The following C7orf57 variants were observed in gnomAD, a reference collection of about 807,000 sequenced individuals.
C7orf57 encodes the protein uncharacterized protein C7orf57.
In C7orf57, 33 loss-of-function variants were observed where a neutral mutation model predicts 39.0. The observed-to-expected ratio is 0.85, with a 90% CI of 0.64 to 1.13. C7orf57 has a LOEUF of 1.13. Ranked by LOEUF, C7orf57 falls within the 50% of genes most tolerant of loss-of-function variation. C7orf57 has a pLI of 0.00. For synonymous variants in C7orf57, 124 were observed against 137.1 expected (o/e 0.90, Z 0.67); for missense variants, 346 against 362.3 (o/e 0.95, Z 0.37).
chr7:48,043,928 A>G (rs1790632432), intron 4 of C7orf57, among the ~76,000 whole-genome samples: 1 of 151,922 alleles, frequency 6.6e-6, no homozygotes, highest in Non-Finnish European at 1.5e-5. Flanking sequence ...TGCTCTCAAG[A>G]TGGTGGCAAG....
chr7:48,060,618 G>A lies in C7orf57; in HGVS notation c.*346G>A, dbSNP rs576478731. ...GGCATTGCTACTGGATTCTTAACTA[G>A]AGAAAACTTACAGAACAGGTGTTAA... is the stretch of plus-strand genomic sequence containing the variant. On this transcript the variant is annotated 3_prime_UTR_variant, in exon 9 of 9. Transcript: ENST00000348904. 1 of 173,952 alleles carries A rather than the reference G, an allele frequency of 5.7e-6. No individual in the cohort carries two copies. Among genetic ancestry groups the A allele is most frequent in the South Asian group, 1.9e-4 (1 of 5,174 alleles). 10.8% of individuals were successfully genotyped at this position (173,952 alleles called of 1,614,324 possible).
intron 8 of C7orf57, among the ~76,000 whole-genome samples, chr7:48,057,528 T>C (rs772961950): frequency 1.3e-5 from 2 of 152,164 alleles, no homozygotes; most frequent in Non-Finnish European, 2.9e-5. Flanking sequence ...GTGGAGTCTT[T>C]AGGGCTTTCT....
At chr7:48,060,159 A>T in intron 8 of C7orf57, 67 bp from the exon 9 acceptor site, 1 of 1,057,518 alleles carries the variant, frequency 9.5e-7, no homozygotes, top group Non-Finnish European at 1.4e-6. Flanking sequence ...TTATATTTAA[A>T]ATTAATGTTT....
intron 6 of C7orf57, among the ~76,000 whole-genome samples, chr7:48,052,155 G>A (rs1407926761): frequency 2.0e-5 from 3 of 151,696 alleles, no homozygotes; most frequent in Non-Finnish European, 4.4e-5. Context: ...TGTATTTTTC[G>A]TGGAGACGGG....
Position 48,037,274 on chromosome 7 carries a change from C to G in C7orf57, c.55+911C>G, listed in dbSNP as rs1017853178. ...CTTCTAGTGACCTTGTCTGTATGAA[C>G]AGCAGTAAGGAACACTAACAACTGC... On this transcript the variant is annotated intron_variant, in intron 2 of 8. Coordinates refer to ENST00000348904, the MANE Select transcript of C7orf57 (RefSeq NM_001100159.3). 4.6e-5 allele frequency among the ~76,000 whole-genome samples: 7 copies of G among 152,288 alleles called. No individual in the cohort carries two copies. The East Asian group carries it at 5.8e-4, about 13-fold the overall frequency.
At chr7:48,051,575 T>A (rs1005790186) in intron 6 of C7orf57, among the ~76,000 whole-genome samples, 3 of 151,080 alleles carry the variant, frequency 2.0e-5, no homozygotes, top group Non-Finnish European at 4.4e-5. Flanking sequence ...TGACCTCAAG[T>A]GATCTGCCCG....
chr7:48,060,379 T>C lies in C7orf57; in HGVS notation c.*107T>C, dbSNP rs571185105. ...TTTTTTGTATTTTATTAATATAGAC[T>C]CTCATTGAATAATTTACCTTGCAGC... On this transcript the variant is annotated 3_prime_UTR_variant, in exon 9 of 9. Transcript: ENST00000348904. 2.1e-5 allele frequency: 13 copies of C among 630,294 alleles called. No homozygotes were observed. The highest frequency in any genetic ancestry group is 3.4e-5 in the Non-Finnish European group (13 of 380,264). 39.0% of individuals were successfully genotyped at this position (630,294 alleles called of 1,614,324 possible).
At position 48,044,454 on chromosome 7, in the gene C7orf57, T is replaced by A. The variant is rs764581387; in HGVS notation, c.350+865T>A. On this transcript the variant is annotated intron_variant, in intron 4 of 8. Transcript: ENST00000348904. ...TCTCAGGCAATAGATGATTGACTAT[T>A]TCTTTACCTCCCGCTTTTAGCCTAA... 3.4e-4 allele frequency among the ~76,000 whole-genome samples: 52 copies of A among 152,228 alleles called. 1 individual carries two copies. The highest frequency in any genetic ancestry group is 3.3e-4 in the Admixed American group (5 of 15,288).
At chr7:48,042,488 G>T (rs748222338) in intron 3 of C7orf57, among the ~76,000 whole-genome samples, 2 of 152,052 alleles carry the variant, frequency 1.3e-5, no homozygotes, top group Admixed American at 1.3e-4. Context: ...TCTGCAACGC[G>T]CTGCCCAGTG....
Position 48,052,888 on chromosome 7 carries a change from ATGC to A in C7orf57, c.795_797del (p.Asp265_Ala266delinsGlu), listed in dbSNP as rs764211782. ...CCCCAGGATGCAGCCAGGCTCCAGG[ATGC>A]AGAGGCTTCTGAAGGTCCTGAGGAC... is the stretch of plus-strand genomic sequence containing the variant. On this transcript the variant is annotated inframe_deletion, in exon 7 of 9. Transcript: ENST00000348904. 4.3e-6 allele frequency: 7 copies of A among 1,613,846 alleles called. No homozygotes were observed. The highest frequency in any genetic ancestry group is 1.6e-4 in the Middle Eastern group (1 of 6,084).
intron 6 of C7orf57, 65 bp downstream of exon 6, chr7:48,050,042 C>A: frequency 1.9e-6 from 2 of 1,049,530 alleles, no homozygotes; most frequent in East Asian, 2.4e-5. Context: ...CGTCTTTCAT[C>A]CGGTGATGAC....
At chr7:48,048,448 A>G (rs766481269) in intron 5 of C7orf57, among the ~76,000 whole-genome samples, 2 of 152,150 alleles carry the variant, frequency 1.3e-5, no homozygotes, top group Non-Finnish European at 2.9e-5. Context: ...TTGCTCACCT[A>G]CAGGGTGATC....
At chr7:48,044,763 G>C (rs928041150) in intron 4 of C7orf57, among the ~76,000 whole-genome samples, 1 of 152,126 alleles carries the variant, frequency 6.6e-6, no homozygotes, top group African/African-American at 2.4e-5. Flanking sequence ...TTGAGATATG[G>C]GGAGCCATCG....
Position 48,054,755 on chromosome 7 carries a change from T to G in C7orf57, c.841+149T>G. ...GCATGCATTCTGACTACAAAGCTTG[T>G]GCCATGTATGCTTTAAAAAAATCAG... is the stretch of plus-strand genomic sequence containing the variant. On this transcript the variant is annotated intron_variant, in intron 8 of 8. Transcript: ENST00000348904. 9.9e-6 allele frequency: 6 copies of G among 606,958 alleles called. No homozygotes were observed. In the Admixed American group the frequency reaches 1.9e-4, roughly 19 times the overall value. The allele number at this position is 606,958 out of a possible 1,614,324, so 37.6% of individuals were successfully genotyped here.
intron 6 of C7orf57, among the ~76,000 whole-genome samples, chr7:48,051,660 CT>C (rs1452915612): frequency 1.5e-4 from 21 of 144,042 alleles, no homozygotes; most frequent in Admixed American, 1.3e-3. Context: ...TCCTCCCTTC[CT>C]TTCTTCCTTT....
At chr7:48,042,819 G>A (rs988856324) in intron 3 of C7orf57, among the ~76,000 whole-genome samples, 1 of 152,130 alleles carries the variant, frequency 6.6e-6, no homozygotes, top group African/African-American at 2.4e-5. Flanking sequence ...CCCACTCCCC[G>A]CCTTTTGAAA....
In C7orf57 at chr7:48,035,651, G is replaced by A. The variant is rs1172688017; in HGVS notation, c.-102+21G>A. On this transcript the variant is annotated intron_variant, in intron 1 of 8. Transcript: ENST00000348904. This position sits in a 1 kb window ranked among gnomAD's most constrained non-coding sequence, Gnocchi z 4.0. Reference sequence around the variant, plus strand: ...AGCTGGTGAGCCTGAGCGGGCTGGAGGACAATGGGGGCGCCCACTGTGGTC... The same window carrying A: ...AGCTGGTGAGCCTGAGCGGGCTGGAAGACAATGGGGGCGCCCACTGTGGTC... 5 of 655,176 alleles carry A rather than the reference G, an allele frequency of 7.6e-6. No individual in the cohort carries two copies. The East Asian group carries it at 1.1e-4, about 15-fold the overall frequency. The allele number at this position is 655,176 out of a possible 1,614,324, so 40.6% of individuals were successfully genotyped here.
chr7:48,055,098 G>A (rs1025700038), intron 8 of C7orf57, among the ~76,000 whole-genome samples: 4 of 152,100 alleles, frequency 2.6e-5, no homozygotes, highest in Non-Finnish European at 5.9e-5. Context: ...GGATGGTCTC[G>A]ATCTCCTGAC....
intron 8 of C7orf57, among the ~76,000 whole-genome samples, chr7:48,054,883 A>AT (rs1301867886): frequency 6.6e-6 from 1 of 150,742 alleles, no homozygotes; most frequent in African/African-American, 2.5e-5. Context: ...TATTATTATT[A>AT]TTATTTTTTT....
Sources: allele counts gnomAD v4.1 joint callset (sites outside exome capture counted in the v4.1 genomes callset), GRCh38; gene constraint gnomAD v4.1.1; non-coding constraint Gnocchi (gnomAD v3.1); transcripts MANE v1.5; gene names NCBI Gene and HGNC (gene_info 2026-07-23, HGNC 2026-07-21).